The following INPP4B variants were observed in gnomAD, a reference collection of about 807,000 sequenced individuals.
INPP4B encodes inositol polyphosphate 4-phosphatase type II.
Under a neutral mutation model 122.5 loss-of-function variants are expected in INPP4B, and 55 were observed. That is an observed-to-expected ratio of 0.45 (90% CI 0.36 to 0.56). The LOEUF (loss-of-function observed/expected upper bound fraction) is 0.56, where lower values mean the gene tolerates loss of function less well. INPP4B is among the 20% of genes least tolerant of loss of function. The probability of loss-of-function intolerance (pLI) is 0.00; values close to 1 mark genes in which losing one functional copy is unlikely to be tolerated. For synonymous variants in INPP4B, 403 were observed against 388.7 expected (o/e 1.04, Z -0.43); for missense variants, 1,000 against 1,097.7 (o/e 0.91, Z 1.26).
intron 5 of INPP4B, among the ~76,000 whole-genome samples, chr4:142,414,086 C>A (rs1365637205): frequency 6.6e-6 from 1 of 152,126 alleles, no homozygotes; most frequent in African/African-American, 2.4e-5. Flanking sequence ...GAGATTTGAG[C>A]ATCATTGCTC....
At chr4:142,171,203 C>T (rs1401510399) in intron 16 of INPP4B, among the ~76,000 whole-genome samples, 1 of 151,782 alleles carries the variant, frequency 6.6e-6, no homozygotes, top group Admixed American at 6.6e-5. Flanking sequence ...CAGTCTTCCC[C>T]AGGGGCCCCA....
intron 2 of INPP4B, among the ~76,000 whole-genome samples, chr4:142,710,379 C>A (rs980109945): frequency 1.3e-5 from 2 of 152,154 alleles, no homozygotes; most frequent in African/African-American, 4.8e-5. Flanking sequence ...ATGATACTGA[C>A]AAACATGGTA....
intron 2 of INPP4B, among the ~76,000 whole-genome samples, chr4:142,664,784 T>G (rs964383438): frequency 2.0e-5 from 3 of 152,096 alleles, no homozygotes; most frequent in Admixed American, 6.5e-5. Context: ...AGTAAGAAAT[T>G]AAATTTTGCT....
At chr4:142,432,802 G>A (rs1444652219) in intron 3 of INPP4B, among the ~76,000 whole-genome samples, 1 of 152,052 alleles carries the variant, frequency 6.6e-6, no homozygotes, top group Non-Finnish European at 1.5e-5. Flanking sequence ...ATCCTGATCA[G>A]TCATCTTCAA....
chr4:142,324,354 G>C (rs1771502204), intron 7 of INPP4B, among the ~76,000 whole-genome samples: 1 of 152,094 alleles, frequency 6.6e-6, no homozygotes, highest in Admixed American at 6.6e-5. Flanking sequence ...ATGGCCCTCT[G>C]TGTTTTCAAC....
chr4:142,208,479 C>G lies in INPP4B; in HGVS notation c.1018G>C (p.Val340Leu), dbSNP rs376658791. The change falls in exon 14 of 26, where the codon GTT (valine) becomes CTT (leucine). Residue 340 changes from valine (V) to leucine (L), a missense_variant. Physicochemically the swap from Val to Leu is conservative, Grantham distance 32. Transcript: ENST00000262992. ...SSKGEKTLEF[V>L]PINLHLQRMQ... Reference sequence around the variant, plus strand: ...CTTTGCAGATGTAGATTTATTGGAACAAATTCTAATGTTTTCTCTCCTTTG... The same window carrying G: ...CTTTGCAGATGTAGATTTATTGGAAGAAATTCTAATGTTTTCTCTCCTTTG... 2.9e-5 allele frequency: 47 copies of G among 1,601,756 alleles called. No individual in the cohort carries two copies. The highest frequency in any genetic ancestry group is 3.8e-5 in the Non-Finnish European group (45 of 1,173,908).
chr4:142,214,841 CT>C (rs1846401378), intron 12 of INPP4B, among the ~76,000 whole-genome samples: 1 of 152,210 alleles, frequency 6.6e-6, no homozygotes, highest in African/African-American at 2.4e-5. Context: ...GCGTGAGCCA[CT>C]GCGCCCGACC....
At chr4:142,258,284 C>G (rs374557312) in intron 11 of INPP4B, among the ~76,000 whole-genome samples, 1 of 151,954 alleles carries the variant, frequency 6.6e-6, no homozygotes, top group Non-Finnish European at 1.5e-5. Context: ...ATTCAGGACA[C>G]AGGCATGGGC....
intron 1 of INPP4B, among the ~76,000 whole-genome samples, chr4:142,748,832 G>T (rs995583567): frequency 1.3e-5 from 2 of 151,918 alleles, no homozygotes; most frequent in African/African-American, 4.8e-5. Flanking sequence ...ACAGCAGAAG[G>T]ACTTTCAAAT....
At chr4:142,536,110 C>T (rs1023206733) in intron 2 of INPP4B, among the ~76,000 whole-genome samples, 8 of 152,190 alleles carry the variant, frequency 5.3e-5, no homozygotes, top group African/African-American at 7.2e-5. Flanking sequence ...ACTATATAAT[C>T]ATAGCACAAT....
intron 1 of INPP4B, among the ~76,000 whole-genome samples, chr4:142,730,176 T>C (rs1380327930): frequency 2.0e-5 from 3 of 152,214 alleles, no homozygotes; most frequent in Admixed American, 2.0e-4. Context: ...AGGAGGTATC[T>C]ACCCAGTTCT....
At chr4:142,183,303 G>A (rs1831700844) in intron 15 of INPP4B, among the ~76,000 whole-genome samples, 1 of 152,136 alleles carries the variant, frequency 6.6e-6, no homozygotes, top group East Asian at 1.9e-4. Context: ...CTTCTCTGAT[G>A]GGGTTACCAC....
chr4:142,373,121 A>G (rs1579879535), intron 7 of INPP4B, among the ~76,000 whole-genome samples: 2 of 152,028 alleles, frequency 1.3e-5, no homozygotes. Context: ...TGAAAATCCA[A>G]CTCCATATTA....
chr4:142,677,041 C>A (rs1757915961), intron 2 of INPP4B, among the ~76,000 whole-genome samples: 1 of 152,096 alleles, frequency 6.6e-6, no homozygotes, highest in African/African-American at 2.4e-5. Flanking sequence ...AAACTATCAT[C>A]AGAGTGAACA....
At chr4:142,465,220 G>A (rs1270750925) in intron 2 of INPP4B, among the ~76,000 whole-genome samples, 1 of 152,176 alleles carries the variant, frequency 6.6e-6, no homozygotes, top group African/African-American at 2.4e-5. Context: ...ACTGTCCTAT[G>A]TGAGCCTGAG....
At chr4:142,304,634 T>C (rs906400954) in intron 9 of INPP4B, among the ~76,000 whole-genome samples, 1 of 152,100 alleles carries the variant, frequency 6.6e-6, no homozygotes, top group Non-Finnish European at 1.5e-5. Flanking sequence ...TAAGACATTG[T>C]CCAATTCCTT....
At chr4:142,516,420 C>T (rs1002521379) in intron 2 of INPP4B, among the ~76,000 whole-genome samples, 4 of 152,110 alleles carry the variant, frequency 2.6e-5, no homozygotes, top group African/African-American at 9.7e-5. Context: ...CACATAGGTT[C>T]ATTTATTCAT....
chr4:142,292,594 G>A (rs1756909194), intron 9 of INPP4B, among the ~76,000 whole-genome samples: 1 of 152,182 alleles, frequency 6.6e-6, no homozygotes, highest in African/African-American at 2.4e-5. Flanking sequence ...TTCCCTGAGA[G>A]AGACTGCATC....
chr4:142,613,980 A>G (rs749073080), intron 2 of INPP4B, among the ~76,000 whole-genome samples: 6 of 152,208 alleles, frequency 3.9e-5, no homozygotes, highest in Non-Finnish European at 5.9e-5. Flanking sequence ...ACAAACCTAT[A>G]CTTAAACACA....
Sources: allele counts gnomAD v4.1 joint callset (sites outside exome capture counted in the v4.1 genomes callset), GRCh38; gene constraint gnomAD v4.1.1; transcripts MANE v1.5; gene names NCBI Gene and HGNC (gene_info 2026-07-23, HGNC 2026-07-21).